MPHOSPH9: variants seen among roughly 807,000 people sequenced by gnomAD.
The protein encoded by MPHOSPH9 is M-phase phosphoprotein 9.
In MPHOSPH9, 88 loss-of-function variants were observed where a neutral mutation model predicts 145.5. That is an observed-to-expected ratio of 0.60 (90% CI 0.51 to 0.72). The LOEUF (loss-of-function observed/expected upper bound fraction) is 0.72, where lower values mean the gene tolerates loss of function less well. Among genes scored for constraint, MPHOSPH9 ranks in the 30% least tolerant of loss-of-function variants. The pLI, the probability that MPHOSPH9 is intolerant of heterozygous loss-of-function variation, is 0.00. For synonymous variants in MPHOSPH9, 435 were observed against 486.2 expected (o/e 0.89, Z 1.39); for missense variants, 1,238 against 1,386.6 (o/e 0.89, Z 1.70).
At chr12:123,224,662 A>C (rs1165009078) in intron 3 of MPHOSPH9, among the ~76,000 whole-genome samples, 1 of 152,216 alleles carries the variant, frequency 6.6e-6, no homozygotes, top group Non-Finnish European at 1.5e-5. Context: ...ACTGGCATTT[A>C]GTGGGCAGGG....
intron 10 of MPHOSPH9, 103 bp from the exon 11 acceptor site, chr12:123,202,422 G>T: frequency 7.7e-7 from 1 of 1,296,370 alleles, no homozygotes; most frequent in Non-Finnish European, 1.1e-6. Flanking sequence ...CAAAAATATA[G>T]CATATTTCCT....
At chr12:123,194,709 C>A in intron 12 of MPHOSPH9, 108 bp from the exon 13 acceptor site, 2 of 733,576 alleles carry the variant, frequency 2.7e-6, no homozygotes, top group East Asian at 3.0e-5. Context: ...GCAACCTCTG[C>A]CTCCCAGGTT....
chr12:123,241,177 A>G (rs2047931181), intron 1 of MPHOSPH9, among the ~76,000 whole-genome samples: 1 of 150,958 alleles, frequency 6.6e-6, no homozygotes, highest in Non-Finnish European at 1.5e-5. Context: ...TTAATAAAAG[A>G]GATGGAGTCT....
At position 123,180,115 on chromosome 12, in the gene MPHOSPH9, T is replaced by G. The variant is rs2045059975; in HGVS notation, c.2290-125A>C. ...AGCTACAAACCATACTCAGCAAGTA[T>G]GGCATCAACCATACAGCCAGGACCA... On this transcript the variant is annotated intron_variant, in intron 14 of 23. Coordinates refer to ENST00000606320, the MANE Select transcript of MPHOSPH9 (RefSeq NM_022782.4). 4 of 529,644 alleles carry G rather than the reference T, an allele frequency of 7.6e-6. No homozygotes were observed. The South Asian group carries it at 1.2e-4, about 15-fold the overall frequency. 32.8% of individuals were successfully genotyped at this position (529,644 alleles called of 1,614,324 possible).
upstream of MPHOSPH9, among the ~76,000 whole-genome samples, chr12:123,237,158 TA>T (rs71440287): frequency 3.3e-5 from 5 of 149,666 alleles, no homozygotes; most frequent in East Asian, 2.0e-4. Flanking sequence ...GTTTTCTGCT[TA>T]AAAAAAAATA....
upstream of MPHOSPH9, chr12:123,233,408 A>G (rs1157808159): frequency 6.6e-6 from 1 of 152,280 alleles, no homozygotes; most frequent in African/African-American, 2.4e-5. Context: ...CCTCTGGTAG[A>G]TAAGAGAAAC....
chr12:123,180,447 C>T (rs1265645572), intron 14 of MPHOSPH9, among the ~76,000 whole-genome samples: 3 of 152,164 alleles, frequency 2.0e-5, no homozygotes, highest in African/African-American at 7.2e-5. Context: ...CCCACTTACA[C>T]CATCGTCGAA....
At chr12:123,209,724 G>GT (rs1381707048) in intron 8 of MPHOSPH9, among the ~76,000 whole-genome samples, 6 of 140,250 alleles carry the variant, frequency 4.3e-5, no homozygotes, top group African/African-American at 7.6e-5. Context: ...CGGTGTGTGT[G>GT]TTTTGTTTTG....
intron 7 of MPHOSPH9, among the ~76,000 whole-genome samples, chr12:123,213,150 C>T (rs956464567): frequency 1.3e-5 from 2 of 151,766 alleles, no homozygotes; most frequent in Non-Finnish European, 2.9e-5. Context: ...TGAGCCACCG[C>T]GCCTGGCTGA....
At chr12:123,218,630 A>G (rs754806250) in intron 5 of MPHOSPH9, 131 bp from the exon 6 acceptor site, 45 of 783,286 alleles carry the variant, frequency 5.7e-5, no homozygotes, top group Admixed American at 1.1e-4. Flanking sequence ...GGTTCAAGCA[A>G]TTCTCGTGCC....
At chr12:123,168,185 G>A (rs1817889415) in intron 16 of MPHOSPH9, among the ~76,000 whole-genome samples, 1 of 151,892 alleles carries the variant, frequency 6.6e-6, no homozygotes, top group South Asian at 2.1e-4. Flanking sequence ...CACCTGACTG[G>A]CAGCAAAATC....
intron 16 of MPHOSPH9, among the ~76,000 whole-genome samples, chr12:123,168,990 T>C (rs980003100): frequency 1.3e-5 from 2 of 151,486 alleles, no homozygotes; most frequent in African/African-American, 2.4e-5. Flanking sequence ...GTTCACACCA[T>C]TCTACTGCTT....
chr12:123,156,791 TTAATGGCTACAAATCTCAAA>T lies in MPHOSPH9; in HGVS notation c.3548_*15del. ...AGTGCAAACAAAAATGTCTCAAAAT[TTAATGGCTACAAATCTCAAA>T]GATTTGCAGAGGTGCGCAAAACATG... On this transcript the variant is annotated stop_lost and 3_prime_UTR_variant, in exon 24 of 24. Transcript: ENST00000606320. 6.2e-7 allele frequency: 1 copy of T among 1,602,514 alleles called. No individual in the cohort carries two copies. The highest frequency in any genetic ancestry group is 2.2e-5 in the East Asian group (1 of 44,730).
chr12:123,212,193 T>C (rs2046756248), intron 7 of MPHOSPH9, among the ~76,000 whole-genome samples: 1 of 152,090 alleles, frequency 6.6e-6, no homozygotes, highest in Admixed American at 6.6e-5. Context: ...GGGGGTGCGA[T>C]GGGCAGGCAC....
At chr12:123,220,330 C>T (rs993300421) in intron 5 of MPHOSPH9, among the ~76,000 whole-genome samples, 1 of 151,774 alleles carries the variant, frequency 6.6e-6, no homozygotes, top group Admixed American at 6.6e-5. Flanking sequence ...CTTTGGGAGG[C>T]TGAGGTGGGC....
chr12:123,162,561 G>A (rs1417357085), intron 20 of MPHOSPH9: 1 of 183,522 alleles, frequency 5.4e-6, no homozygotes, highest in South Asian at 1.7e-4. Flanking sequence ...ACAGAGTTGG[G>A]TCTGGAACCA....
At chr12:123,175,136 T>G (rs2044778819) in intron 16 of MPHOSPH9, among the ~76,000 whole-genome samples, 1 of 152,010 alleles carries the variant, frequency 6.6e-6, no homozygotes, top group African/African-American at 2.4e-5. Context: ...CCCAATGGAC[T>G]TAGGGCAAGA....
rs1398861306 is a variant in MPHOSPH9 at position 123,155,673 on chromosome 12, A to C, written c.*1134T>G. 1 of 152,232 alleles carries C rather than the reference A, an allele frequency of 6.6e-6. No homozygotes were observed. The highest frequency in any genetic ancestry group is 2.4e-5 in the African/African-American group (1 of 41,450). The allele number at this position is 152,232 out of a possible 1,614,324, so 9.4% of individuals were successfully genotyped here. ...GTTACACAGCTCCAACTTAACCAGC[A>C]GTCCCAACACAAACCTGCCAATGCT... On this transcript the variant is annotated 3_prime_UTR_variant, in exon 24 of 24. Transcript: ENST00000606320.
At chr12:123,215,302 C>T (rs2046910949) in intron 6 of MPHOSPH9, among the ~76,000 whole-genome samples, 1 of 151,586 alleles carries the variant, frequency 6.6e-6, no homozygotes, top group African/African-American at 2.4e-5. Flanking sequence ...GATAGGAATT[C>T]ACTGTTGCAG....
Sources: gnomAD v4.1 joint callset for allele counts (sites outside exome capture counted in the v4.1 genomes callset) on GRCh38, gnomAD v4.1.1 for gene constraint, MANE v1.5 for transcripts, NCBI Gene and HGNC (gene_info 2026-07-23, HGNC 2026-07-21) for gene names.